The following C1orf21 variants were observed in gnomAD, a reference collection of about 807,000 sequenced individuals.
C1orf21 encodes the protein uncharacterized protein C1orf21.
In C1orf21, 3 loss-of-function variants were observed where a neutral mutation model predicts 18.7. The ratio of observed to expected loss-of-function variants is 0.16; its 90% CI spans 0.07 to 0.42. The LOEUF (loss-of-function observed/expected upper bound fraction) is 0.42. C1orf21 is among the 10% of genes least tolerant of loss of function. The probability of loss-of-function intolerance (pLI) is 0.99; values close to 1 mark genes in which losing one functional copy is unlikely to be tolerated. For synonymous variants in C1orf21, 41 were observed against 46.4 expected, an observed-to-expected ratio of 0.88 and a Z score of 0.47; for missense variants, 104 against 143.6, an observed-to-expected ratio of 0.72 and a Z score of 1.41.
At position 184,589,980 on chromosome 1, in the gene C1orf21, A is replaced by G. The variant is rs143887830; in HGVS notation, c.190-759A>G. ...TCGAGTGTATATAGTCACCTGTTAC[A>G]TAGGTTCAGAGTGGTCTTTCCTTTC... On this transcript the variant is annotated intron_variant, in intron 3 of 5. Transcript: ENST00000235307. Among the ~76,000 whole-genome samples, 14 of 152,308 alleles carry G rather than the reference A, an allele frequency of 9.2e-5. No homozygotes were observed. In the East Asian group the frequency reaches 2.7e-3, roughly 29 times the overall value.
chr1:184,438,345 A>G (rs1445872554), intron 1 of C1orf21, among the ~76,000 whole-genome samples: 2 of 152,174 alleles, frequency 1.3e-5, no homozygotes, highest in African/African-American at 4.8e-5. Context: ...GTTAGAAGGG[A>G]TCTTGCAGCT....
At chr1:184,536,319 A>G (rs180728675) in intron 3 of C1orf21, among the ~76,000 whole-genome samples, 103 of 152,294 alleles carry the variant, frequency 6.8e-4, no homozygotes, top group Admixed American at 5.8e-3. Context: ...GGTTCTTGCT[A>G]TCTTGTTGCT....
At chr1:184,579,059 A>C (rs1236573600) in intron 3 of C1orf21, among the ~76,000 whole-genome samples, 1 of 144,276 alleles carries the variant, frequency 6.9e-6, no homozygotes, top group African/African-American at 2.5e-5. Flanking sequence ...TTTTTTTTTG[A>C]GACAGAGTCA....
chr1:184,604,377 CA>C (rs1659623109), intron 5 of C1orf21, among the ~76,000 whole-genome samples: 1 of 152,154 alleles, frequency 6.6e-6, no homozygotes, highest in Non-Finnish European at 1.5e-5. Flanking sequence ...CAGTAGCAAC[CA>C]AAGCCTTCAG....
intron 1 of C1orf21, among the ~76,000 whole-genome samples, chr1:184,410,682 G>T (rs1458187957): frequency 9.4e-4 from 9 of 9,548 alleles, no homozygotes; most frequent in Non-Finnish European, 2.1e-3. Context: ...TTTTTTTTTT[G>T]AGATGGAGTT....
At chr1:184,447,050 A>C (rs1460684967) in intron 1 of C1orf21, among the ~76,000 whole-genome samples, 1 of 152,180 alleles carries the variant, frequency 6.6e-6, no homozygotes, top group African/African-American at 2.4e-5. Context: ...AGTCCTGTCT[A>C]TCTGTACTGC....
chr1:184,617,825 G>A (rs560836426), intron 5 of C1orf21, among the ~76,000 whole-genome samples: 8 of 152,140 alleles, frequency 5.3e-5, no homozygotes, highest in South Asian at 4.2e-4. Context: ...GCAATCTGGG[G>A]CCAGTTGGCA....
At chr1:184,455,806 C>G (rs1303287102) in intron 1 of C1orf21, among the ~76,000 whole-genome samples, 6 of 152,062 alleles carry the variant, frequency 3.9e-5, no homozygotes, top group African/African-American at 1.4e-4. Context: ...ATTATGAATA[C>G]TATTCATGTT....
chr1:184,472,864 A>T (rs1571374710), intron 1 of C1orf21, among the ~76,000 whole-genome samples: 2 of 152,228 alleles, frequency 1.3e-5, no homozygotes, highest in East Asian at 3.8e-4. Context: ...CCCTTCTGAT[A>T]TCTGAAGCAC....
At chr1:184,433,244 C>G (rs909253738) in intron 1 of C1orf21, among the ~76,000 whole-genome samples, 7 of 151,766 alleles carry the variant, frequency 4.6e-5, no homozygotes, top group Non-Finnish European at 1.5e-5. Flanking sequence ...CATGGAAAAT[C>G]CTTTCTTCTT....
intron 3 of C1orf21, among the ~76,000 whole-genome samples, chr1:184,543,468 C>A (rs1022326044): frequency 6.6e-6 from 1 of 152,196 alleles, no homozygotes; most frequent in South Asian, 2.1e-4. Flanking sequence ...AATAACCATA[C>A]AAAGCCTTCT....
intron 1 of C1orf21, among the ~76,000 whole-genome samples, chr1:184,429,625 T>G (rs1212851464): frequency 6.6e-6 from 1 of 152,170 alleles, no homozygotes; most frequent in African/African-American, 2.4e-5. Context: ...GACGGATCTG[T>G]TGTTCTAAGA....
intron 1 of C1orf21, among the ~76,000 whole-genome samples, chr1:184,425,844 C>G (rs1457577776): frequency 6.6e-6 from 1 of 152,236 alleles, no homozygotes; most frequent in African/African-American, 2.4e-5. Flanking sequence ...TTATCTCAGT[C>G]CGCCTTGAAT....
chr1:184,474,797 C>A (rs1164175650), intron 1 of C1orf21, among the ~76,000 whole-genome samples: 1 of 152,160 alleles, frequency 6.6e-6, no homozygotes, highest in Non-Finnish European at 1.5e-5. Flanking sequence ...TTCAATCTCT[C>A]CTGCATATGT....
At chr1:184,427,738 G>A (rs1173360992) in intron 1 of C1orf21, among the ~76,000 whole-genome samples, 1 of 152,114 alleles carries the variant, frequency 6.6e-6, no homozygotes, top group Non-Finnish European at 1.5e-5. Flanking sequence ...TCAATTTCAG[G>A]CATTTACATC....
intron 1 of C1orf21, among the ~76,000 whole-genome samples, chr1:184,464,226 A>G (rs10399823): frequency 2.6e-5 from 4 of 152,234 alleles, no homozygotes; most frequent in African/African-American, 9.6e-5. Context: ...GATATACCAC[A>G]GGGGACAAGA....
intron 3 of C1orf21, among the ~76,000 whole-genome samples, chr1:184,541,875 A>G (rs970402749): frequency 6.6e-5 from 10 of 152,120 alleles, no homozygotes; most frequent in African/African-American, 2.4e-4. Flanking sequence ...CTTGAGTGGG[A>G]AGGTGACAGG....
At chr1:184,580,211 C>A (rs1440431649) in intron 3 of C1orf21, among the ~76,000 whole-genome samples, 3 of 152,210 alleles carry the variant, frequency 2.0e-5, no homozygotes. Flanking sequence ...TGGTAGCCAT[C>A]ACTTTGATTG....
intron 1 of C1orf21, among the ~76,000 whole-genome samples, chr1:184,430,671 C>T (rs747828661): frequency 1.3e-5 from 2 of 152,172 alleles, no homozygotes; most frequent in Non-Finnish European, 2.9e-5. Flanking sequence ...CATCTGGCCC[C>T]CAAATACCAG....
Sources: gnomAD v4.1 joint callset for allele counts (sites outside exome capture counted in the v4.1 genomes callset) on GRCh38, gnomAD v4.1.1 for gene constraint, MANE v1.5 for transcripts, NCBI Gene and HGNC (gene_info 2026-07-23, HGNC 2026-07-21) for gene names.